Variants in FER1L6 observed in about 807,000 individuals in gnomAD.
FER1L6 encodes fer-1 like family member 6.
In FER1L6, 177 loss-of-function variants were observed where a neutral mutation model predicts 219.2. The ratio of observed to expected loss-of-function variants is 0.81; its 90% CI spans 0.71 to 0.91. The LOEUF (loss-of-function observed/expected upper bound fraction) is 0.91. Ranked by LOEUF, FER1L6 falls within the 40% of genes least tolerant of loss-of-function variation. The pLI, the probability that FER1L6 is intolerant of heterozygous loss-of-function variation, is 0.00. For missense variants in FER1L6, 2,153 were observed against 2,259.9 expected, an observed-to-expected ratio of 0.95 and a Z score of 0.96; for synonymous variants, 768 against 824.3, an observed-to-expected ratio of 0.93 and a Z score of 1.17.
At chr8:123,880,601 C>T (rs905977212) in intron 1 of FER1L6, among the ~76,000 whole-genome samples, 1 of 152,136 alleles carries the variant, frequency 6.6e-6, no homozygotes, top group Admixed American at 6.5e-5. Flanking sequence ...TATGGCCAGA[C>T]AGCCTGAAAG....
chr8:124,061,082 G>A (rs765466561), intron 24 of FER1L6, among the ~76,000 whole-genome samples: 1 of 152,112 alleles, frequency 6.6e-6, no homozygotes, highest in Non-Finnish European at 1.5e-5. Flanking sequence ...AGGTTTCCAG[G>A]TAATTCTGAT....
intron 1 of FER1L6, among the ~76,000 whole-genome samples, chr8:123,875,622 A>G (rs1411935091): frequency 6.6e-6 from 1 of 152,160 alleles, no homozygotes; most frequent in African/African-American, 2.4e-5. Context: ...ATACCAGATC[A>G]CCTTGTTCAT....
chr8:123,972,594 A>G (rs1054668287), intron 6 of FER1L6, among the ~76,000 whole-genome samples: 13 of 152,170 alleles, frequency 8.5e-5, no homozygotes, highest in African/African-American at 2.4e-4. Flanking sequence ...AGCTCATTCC[A>G]TTGCTGGGAA....
chr8:124,011,999 C>T (rs1817956483), intron 14 of FER1L6, among the ~76,000 whole-genome samples: 1 of 152,092 alleles, frequency 6.6e-6, no homozygotes, highest in South Asian at 2.1e-4. Flanking sequence ...TAGATTTTCC[C>T]ACCTAAGCCC....
chr8:124,075,314 C>T (rs1374615090), intron 31 of FER1L6, among the ~76,000 whole-genome samples: 1 of 151,594 alleles, frequency 6.6e-6, no homozygotes, highest in Non-Finnish European at 1.5e-5. Flanking sequence ...ATTTTTTAAA[C>T]TTTGTTGTTA....
intron 1 of FER1L6, among the ~76,000 whole-genome samples, chr8:123,898,731 A>ATATACTATATATACACATATATATGT (rs1491071494): frequency 7.0e-6 from 1 of 143,532 alleles, no homozygotes; most frequent in African/African-American, 2.6e-5. Context: ...GTGTATATAT[A>ATATACTATATATACACATATATATGT]GTATATATAC....
In FER1L6 at chr8:123,980,822, G is replaced by A. The variant is rs755861193; in HGVS notation, c.1410+11G>A. ...GATGTCCCCCCGGAGGTAGGTCTAG[G>A]CACTGCATTATGGTACTTTACCTAT... On this transcript the variant is annotated intron_variant, in intron 11 of 40. Coordinates refer to ENST00000522917, the MANE Select transcript of FER1L6 (RefSeq NM_001039112.2). 8.7e-6 allele frequency: 14 copies of A among 1,603,286 alleles called. No individual in the cohort carries two copies. The highest frequency in any genetic ancestry group is 1.7e-5 in the Admixed American group (1 of 59,430).
intron 1 of FER1L6, among the ~76,000 whole-genome samples, chr8:123,875,177 A>G (rs1256712783): frequency 6.6e-6 from 1 of 152,070 alleles, no homozygotes; most frequent in Non-Finnish European, 1.5e-5. Context: ...CCTGGTGATA[A>G]GAGTGAGACT....
intron 1 of FER1L6, among the ~76,000 whole-genome samples, chr8:123,909,679 C>A (rs1242645388): frequency 6.6e-6 from 1 of 152,112 alleles, no homozygotes; most frequent in Non-Finnish European, 1.5e-5. Context: ...GATCACTAAC[C>A]AGTTTTATAG....
intron 12 of FER1L6, among the ~76,000 whole-genome samples, chr8:123,996,564 T>C (rs932598110): frequency 2.0e-5 from 3 of 152,118 alleles, no homozygotes; most frequent in Non-Finnish European, 4.4e-5. Flanking sequence ...CATTGGACCT[T>C]GTGTTTTTAT....
Position 124,097,865 on chromosome 8 carries a change from G to A in FER1L6, c.4865G>A (p.Ser1622Asn), listed in dbSNP as rs751420321. 6.3e-7 allele frequency: 1 copy of A among 1,581,656 alleles called. No individual in the cohort carries two copies. Among genetic ancestry groups the A allele is most frequent in the South Asian group, 1.1e-5 (1 of 90,404 alleles). Residue 1622 changes from serine to asparagine, a missense_variant, in exon 37 of 41, where the codon AGT (serine) becomes AAT (asparagine). Physicochemically the swap from Ser to Asn is conservative, Grantham distance 46. Coordinates refer to ENST00000522917, the MANE Select transcript of FER1L6 (RefSeq NM_001039112.2). Reference protein sequence around the residue: ...DENIFTGQKSSDIYVKGWLKG... With the variant: ...DENIFTGQKSNDIYVKGWLKG... Reference sequence around the variant, plus strand: ...AATATCTTCACAGGCCAAAAATCAAGTGATATTTATGTGAAAGGGTAAGGT... The same window carrying A: ...AATATCTTCACAGGCCAAAAATCAAATGATATTTATGTGAAAGGGTAAGGT...
intron 2 of FER1L6, among the ~76,000 whole-genome samples, chr8:123,958,547 C>T (rs754679572): frequency 3.3e-5 from 5 of 152,090 alleles, no homozygotes; most frequent in Non-Finnish European, 7.4e-5. Flanking sequence ...CTGTTGCGAG[C>T]CCCAGATGAT....
In FER1L6 at chr8:123,853,162, G is replaced by A. The variant is rs552839811; in HGVS notation, c.-8+977G>A. On this transcript the variant is annotated intron_variant, in intron 1 of 40. Coordinates refer to ENST00000522917, the MANE Select transcript of FER1L6 (RefSeq NM_001039112.2). The surrounding 1 kb of genome is among the most constrained non-coding windows in gnomAD (Gnocchi z 6.6). ...CCCACCCTCAGACTTTAAAATAGACGAAATCTTTTTTTGAGACAGTCTCAC... is the reference window on the plus strand; with the variant it reads ...CCCACCCTCAGACTTTAAAATAGACAAAATCTTTTTTTGAGACAGTCTCAC... Among the ~76,000 whole-genome samples, 23 of 151,912 alleles carry A rather than the reference G, an allele frequency of 1.5e-4. No individual in the cohort carries two copies. Among genetic ancestry groups the A allele is most frequent in the South Asian group, 6.2e-4 (3 of 4,808 alleles).
rs758343970 is a variant in FER1L6 at position 124,066,524 on chromosome 8, T to C, written c.3652T>C (p.Tyr1218His). 1 of 1,614,040 alleles carries C rather than the reference T, an allele frequency of 6.2e-7. No homozygotes were observed. The highest frequency in any genetic ancestry group is 8.5e-7 in the Non-Finnish European group (1 of 1,179,936). Residue 1218 changes from tyrosine to histidine, a missense_variant, in exon 27 of 41, where the codon TAT (tyrosine) becomes CAT (histidine). Coordinates refer to ENST00000522917, the MANE Select transcript of FER1L6 (RefSeq NM_001039112.2). ...CGTGATTGACTGGTGGTCTAAGTATTATGCCTCCCTGAAGAAAGCCCAGAA... is the reference window on the plus strand; with the variant it reads ...CGTGATTGACTGGTGGTCTAAGTATCATGCCTCCCTGAAGAAAGCCCAGAA... Reference protein sequence around the residue: ...ENVIDWWSKYYASLKKAQKAK... With the variant: ...ENVIDWWSKYHASLKKAQKAK...
At chr8:124,030,050 G>A (rs2130679630) in intron 18 of FER1L6, among the ~76,000 whole-genome samples, 1 of 152,264 alleles carries the variant, frequency 6.6e-6, no homozygotes, top group Admixed American at 6.5e-5. Context: ...GTTTGTGTCA[G>A]GTTTGTCAAA....
chr8:123,951,484 T>G (rs1405375309), intron 1 of FER1L6, among the ~76,000 whole-genome samples: 1 of 152,188 alleles, frequency 6.6e-6, no homozygotes, highest in African/African-American at 2.4e-5. Flanking sequence ...ACTGCTTCTA[T>G]GTGTAGTGGT....
chr8:124,118,536 A>G (rs1823342379), intron 39 of FER1L6, among the ~76,000 whole-genome samples: 1 of 152,216 alleles, frequency 6.6e-6, no homozygotes, highest in South Asian at 2.1e-4. Flanking sequence ...AATTACTGTA[A>G]TATTTTTTCA....
chr8:124,069,932 A>G (rs1170226128), intron 29 of FER1L6, among the ~76,000 whole-genome samples: 4 of 152,228 alleles, frequency 2.6e-5, no homozygotes, highest in Non-Finnish European at 5.9e-5. Context: ...TAGATAACCA[A>G]CTTGGGTAAG....
At chr8:123,945,578 C>CT (rs1563699336) in intron 1 of FER1L6, among the ~76,000 whole-genome samples, 1 of 152,028 alleles carries the variant, frequency 6.6e-6, no homozygotes, top group Non-Finnish European at 1.5e-5. Flanking sequence ...CTGGCGGTTA[C>CT]TTTTTTTTAA....
Sources: gnomAD v4.1 joint callset for allele counts (sites outside exome capture counted in the v4.1 genomes callset) on GRCh38, gnomAD v4.1.1 for gene constraint, Gnocchi (gnomAD v3.1) non-coding constraint, MANE v1.5 for transcripts, NCBI Gene and HGNC (gene_info 2026-07-23, HGNC 2026-07-21) for gene names.